The following C12orf56 variants were observed in gnomAD, a reference collection of about 807,000 sequenced individuals.
C12orf56 encodes the protein chromosome 12 open reading frame 56, also known as uncharacterized protein C12orf56.
C12orf56 carries 71 observed loss-of-function variants against 69.9 expected under a neutral mutation model. That is an observed-to-expected ratio of 1.02 (90% CI 0.84 to 1.24). The LOEUF is 1.24. Ranked by LOEUF, C12orf56 falls within the 50% of genes most tolerant of loss-of-function variation. The probability of loss-of-function intolerance (pLI) is 0.00; values close to 1 mark genes in which losing one functional copy is unlikely to be tolerated. For synonymous variants in C12orf56, 276 were observed against 274.1 expected, an observed-to-expected ratio of 1.01 and a Z score of -0.07; for missense variants, 732 against 738.5, an observed-to-expected ratio of 0.99 and a Z score of 0.10.
chr12:64,276,993 T>TAACAAAAAAAA (rs2038059091), intron 9 of C12orf56, among the ~76,000 whole-genome samples: 1 of 69,218 alleles, frequency 1.4e-5, no homozygotes, highest in African/African-American at 5.8e-5. Flanking sequence ...AACCCTTTCT[T>TAACAAAAAAAA]AAAAAAAAAA....
intron 3 of C12orf56, 65 bp from the exon 4 acceptor site, chr12:64,319,045 C>A: frequency 7.3e-7 from 1 of 1,363,486 alleles, no homozygotes; most frequent in South Asian, 1.7e-5. Context: ...CAAAGAGAAC[C>A]GGTAGTTTAA....
At chr12:64,368,715 C>T (rs1255837771) in intron 1 of C12orf56, among the ~76,000 whole-genome samples, 1 of 152,166 alleles carries the variant, frequency 6.6e-6, no homozygotes, top group Admixed American at 6.5e-5. Flanking sequence ...TGGCTAATCA[C>T]AGTAGACATC....
chr12:64,308,889 G>GAAGAAAGAAAGAAAGAAAGA (rs1173081507), intron 5 of C12orf56, among the ~76,000 whole-genome samples: 2 of 69,248 alleles, frequency 2.9e-5, no homozygotes, highest in Admixed American at 1.8e-4. Flanking sequence ...AAACAGAAAG[G>GAAGAAAGAAAGAAAGAAAGA]AAGAAAGAAA....
chr12:64,365,741 A>G (rs1386406703), intron 1 of C12orf56, among the ~76,000 whole-genome samples: 1 of 143,950 alleles, frequency 6.9e-6, no homozygotes, highest in Non-Finnish European at 1.5e-5. Flanking sequence ...TATAGTTTAT[A>G]TAATATATAT....
intron 2 of C12orf56, among the ~76,000 whole-genome samples, chr12:64,349,697 G>T (rs532168088): frequency 6.6e-6 from 1 of 152,246 alleles, no homozygotes; most frequent in Non-Finnish European, 1.5e-5. Flanking sequence ...GGATGAGATT[G>T]GAGACTATTA....
At chr12:64,387,112 A>AAAAAAAAAAAAAAAG (rs1555196270) in intron 1 of C12orf56, among the ~76,000 whole-genome samples, 1 of 119,474 alleles carries the variant, frequency 8.4e-6, no homozygotes, top group Admixed American at 9.3e-5. Flanking sequence ...AAAAAAAAAG[A>AAAAAAAAAAAAAAAG]TGTGTTCACA....
chr12:64,287,243 CAAAAAAAAA>C (rs534894017), intron 6 of C12orf56, among the ~76,000 whole-genome samples: 43 of 98,762 alleles, frequency 4.4e-4, no homozygotes, highest in African/African-American at 1.6e-3. Flanking sequence ...GAGACTCCAT[CAAAAAAAAA>C]AAAAAAAAAA....
At chr12:64,380,018 T>C (rs1401113562) in intron 1 of C12orf56, among the ~76,000 whole-genome samples, 1 of 131,690 alleles carries the variant, frequency 7.6e-6, no homozygotes, top group Non-Finnish European at 1.5e-5. Flanking sequence ...GGCAGGAGAA[T>C]GGCGTGAACC....
In C12orf56 at chr12:64,267,277, T is replaced by G. The variant is rs1430330009; in HGVS notation, c.1775A>C (p.His592Pro). 10 of 1,608,148 alleles carry G rather than the reference T, an allele frequency of 6.2e-6. No homozygotes were observed. In the East Asian group the frequency reaches 2.2e-4, roughly 36 times the overall value. ...GAGCCTTTTCTGCAAGGCTGGCATG[T>G]GAATAAAGTACCTGCAAATCATAAA... ...NYREEFRYFIHMPALQKRLPL... is the reference protein window; with the variant it reads ...NYREEFRYFIPMPALQKRLPL... The change falls in exon 13 of 13, where the codon CAC becomes CCC. Residue 592 changes from histidine to proline, a missense_variant. Coordinates refer to ENST00000543942, the MANE Select transcript of C12orf56 (RefSeq NM_001170633.2).
intron 8 of C12orf56, among the ~76,000 whole-genome samples, chr12:64,281,637 C>G (rs2038130255): frequency 6.6e-6 from 1 of 152,026 alleles, no homozygotes; most frequent in Non-Finnish European, 1.5e-5. Flanking sequence ...CTACGTAATA[C>G]TATGGGGCAC....
chr12:64,324,103 T>G (rs1424428583), intron 3 of C12orf56, among the ~76,000 whole-genome samples: 1 of 152,222 alleles, frequency 6.6e-6, no homozygotes, highest in African/African-American at 2.4e-5. Flanking sequence ...AAACATGGTT[T>G]ATTATTACAT....
intron 7 of C12orf56, among the ~76,000 whole-genome samples, chr12:64,285,480 T>C (rs2038186448): frequency 6.6e-6 from 1 of 152,072 alleles, no homozygotes; most frequent in African/African-American, 2.4e-5. Context: ...CAAAATGAGT[T>C]CTATTTCTTA....
chr12:64,308,414 G>A (rs1379262715), intron 5 of C12orf56, among the ~76,000 whole-genome samples: 1 of 151,908 alleles, frequency 6.6e-6, no homozygotes, highest in African/African-American at 2.4e-5. Context: ...GACTAAATAA[G>A]ATATTTCTTA....
At position 64,266,543 on chromosome 12, in the gene C12orf56, G is replaced by A. The variant is rs540139526; in HGVS notation, c.*640C>T. 54 of 291,702 alleles carry A rather than the reference G, an allele frequency of 1.9e-4. No homozygotes were observed. The South Asian group carries it at 3.0e-3, about 16-fold the overall frequency. 18.1% of individuals were successfully genotyped at this position (291,702 alleles called of 1,614,324 possible). On this transcript the variant is annotated 3_prime_UTR_variant, in exon 13 of 13. Transcript: ENST00000543942. ...ACCAAGCTGTAATTCCAGAAGTGGC[G>A]TGGATGCGCCAGGCCCTGCTGGTGG...
intron 9 of C12orf56, among the ~76,000 whole-genome samples, chr12:64,276,993 T>TAAAA (rs200351319): frequency 3.3e-4 from 23 of 69,214 alleles, no homozygotes; most frequent in East Asian, 3.0e-3. Context: ...AACCCTTTCT[T>TAAAA]AAAAAAAAAA....
At chr12:64,298,394 A>C (rs552866897) in intron 6 of C12orf56, among the ~76,000 whole-genome samples, 1 of 152,160 alleles carries the variant, frequency 6.6e-6, no homozygotes, top group South Asian at 2.1e-4. Flanking sequence ...ATTAGATCCC[A>C]TTTGTCAATT....
intron 4 of C12orf56, among the ~76,000 whole-genome samples, chr12:64,313,288 A>AAGAAAGAAAGAAAGAAAGAAAGAC (rs2038646816): frequency 6.6e-6 from 1 of 150,770 alleles, no homozygotes; most frequent in Non-Finnish European, 1.5e-5. Context: ...GAAAGAAAGA[A>AAGAAAGAAAGAAAGAAAGAAAGAC]AGAAAGAAAG....
At chr12:64,341,357 T>G (rs1030221751) in intron 2 of C12orf56, among the ~76,000 whole-genome samples, 1 of 152,112 alleles carries the variant, frequency 6.6e-6, no homozygotes, top group African/African-American at 2.4e-5. Context: ...AACAGCACCA[T>G]ATTGGATGCT....
Position 64,324,358 on chromosome 12 carries a change from A to G in C12orf56, c.489-5378T>C, listed in dbSNP as rs190336434. 1.9e-3 allele frequency among the ~76,000 whole-genome samples: 283 copies of G among 152,376 alleles called. 1 individual carries two copies. The highest frequency in any genetic ancestry group is 5.7e-3 in the Admixed American group (88 of 15,310). ...TATAACTTACAAAAGTGCAATTGAA[A>G]TCAACAAAGCAGTCTGATAAAGAAA... On this transcript the variant is annotated intron_variant, in intron 3 of 12. Transcript: ENST00000543942.
Sources: allele counts gnomAD v4.1 joint callset (sites outside exome capture counted in the v4.1 genomes callset), GRCh38; gene constraint gnomAD v4.1.1; transcripts MANE v1.5; gene names NCBI Gene and HGNC (gene_info 2026-07-23, HGNC 2026-07-21).